The following LGSN variants were observed in gnomAD, a reference collection of about 807,000 sequenced individuals.
LGSN encodes lengsin.
LGSN carries 21 observed loss-of-function variants against 19.5 expected under a neutral mutation model. The observed-to-expected ratio is 1.07, with a 90% CI of 0.76 to 1.55. The LOEUF (loss-of-function observed/expected upper bound fraction) is 1.55, where lower values mean the gene tolerates loss of function less well. Among genes scored for constraint, LGSN ranks in the 40% most tolerant of loss-of-function variants. LGSN has a pLI of 0.00. For synonymous variants in LGSN, 257 were observed against 215.6 expected, an observed-to-expected ratio of 1.19 and a Z score of -1.68; for missense variants, 673 against 608.5, an observed-to-expected ratio of 1.11 and a Z score of -1.12.
chr6:63,299,581 AG>A (rs992995163), intron 1 of LGSN, among the ~76,000 whole-genome samples: 3 of 152,228 alleles, frequency 2.0e-5, no homozygotes, highest in South Asian at 4.1e-4. Context: ...ACAATGAAAC[AG>A]GTAATTGGAA....
At chr6:63,291,277 G>A (rs1767756020) in intron 2 of LGSN, among the ~76,000 whole-genome samples, 1 of 152,136 alleles carries the variant, frequency 6.6e-6, no homozygotes, top group South Asian at 2.1e-4. Flanking sequence ...GAAATTCCGG[G>A]TAACGGCCTT....
the LGSN span, among the ~76,000 whole-genome samples, chr6:63,402,627 T>C: frequency 6.6e-6 from 1 of 152,180 alleles, no homozygotes; most frequent in Non-Finnish European, 1.5e-5. Context: ...AACAGATATA[T>C]AATTGGAGCA....
At chr6:63,452,629 A>T in the LGSN span, among the ~76,000 whole-genome samples, 1 of 149,360 alleles carries the variant, frequency 6.7e-6, no homozygotes, top group Non-Finnish European at 1.5e-5. Context: ...CCCCGATTTT[A>T]TTCCTAATAT....
At chr6:63,505,565 A>AAAAAAGAAAGAAAGAGAAAGAAAGAAAG in the LGSN span, among the ~76,000 whole-genome samples, 2 of 58,674 alleles carry the variant, frequency 3.4e-5, no homozygotes, top group Admixed American at 2.1e-4. Context: ...AAAAAAAAAA[A>AAAAAAGAAAGAAAGAGAAAGAAAGAAAG]AAAGAAAGAA....
chr6:63,392,689 T>C, the LGSN span: 1 of 152,102 alleles, frequency 6.6e-6, no homozygotes, highest in Non-Finnish European at 1.5e-5. Context: ...GTAAAATTGA[T>C]AAAGGAATTA....
the LGSN span, among the ~76,000 whole-genome samples, chr6:63,361,159 G>A: frequency 6.6e-6 from 1 of 152,226 alleles, no homozygotes; most frequent in African/African-American, 2.4e-5. Flanking sequence ...TGCATGCTGG[G>A]AGAACCACTA....
chr6:63,534,683 C>T, the LGSN span, among the ~76,000 whole-genome samples: 3 of 151,820 alleles, frequency 2.0e-5, no homozygotes, highest in Non-Finnish European at 4.4e-5. Context: ...CACGGTGGCT[C>T]ATGCCTGTAA....
chr6:63,424,508 GACAC>G, the LGSN span, among the ~76,000 whole-genome samples: 50 of 146,484 alleles, frequency 3.4e-4, no homozygotes, highest in Non-Finnish European at 4.2e-4. Context: ...ACCAAAACCA[GACAC>G]ACACACACAC....
At chr6:63,401,374 T>G in the LGSN span, among the ~76,000 whole-genome samples, 14 of 150,064 alleles carry the variant, frequency 9.3e-5, no homozygotes, top group Admixed American at 8.1e-4. Context: ...CACACCAGCC[T>G]GGGCAACAGA....
rs150803701 is a variant in LGSN, at chr6:63,294,554, C to T, written c.163+359G>A. Among the ~76,000 whole-genome samples, 5 of 151,996 alleles carry T rather than the reference C, an allele frequency of 3.3e-5. No individual in the cohort carries two copies. The East Asian group carries it at 9.7e-4, about 29-fold the overall frequency. On this transcript the variant is annotated intron_variant, in intron 2 of 3. Transcript: ENST00000370657. ...GGAGTTCCAAAATGTGTTATGAAAA[C>T]ACCTTCCATACCTTTCTTATGGCCC...
At chr6:63,307,997 T>G (rs1202218502) in intron 1 of LGSN, among the ~76,000 whole-genome samples, 1 of 152,140 alleles carries the variant, frequency 6.6e-6, no homozygotes, top group Non-Finnish European at 1.5e-5. Flanking sequence ...AGTATTTCAG[T>G]CTTCAGATAG....
intron 1 of LGSN, among the ~76,000 whole-genome samples, chr6:63,304,103 A>T (rs1368662171): frequency 6.6e-6 from 1 of 152,234 alleles, no homozygotes. Context: ...AACCTTATAC[A>T]TGAGCAACCT....
chr6:63,492,130 C>G, the LGSN span, among the ~76,000 whole-genome samples: 1 of 152,174 alleles, frequency 6.6e-6, no homozygotes, highest in South Asian at 2.1e-4. Flanking sequence ...CTTCTTCATT[C>G]TACTTTATGT....
the LGSN span, among the ~76,000 whole-genome samples, chr6:63,355,970 G>C: frequency 0.13 from 19,808 of 151,920 alleles, 2,852 homozygotes; most frequent in African/African-American, 0.36. Context: ...TGAGCCACTG[G>C]ACCTCGCCAG....
At chr6:63,559,059 C>T in the LGSN span, among the ~76,000 whole-genome samples, 1 of 152,202 alleles carries the variant, frequency 6.6e-6, no homozygotes, top group Non-Finnish European at 1.5e-5. Context: ...TCATTTTGCT[C>T]ACTCTGCTCC....
chr6:63,333,954 T>C, the LGSN span, among the ~76,000 whole-genome samples: 450 of 152,302 alleles, frequency 3.0e-3, 3 homozygotes, highest in African/African-American at 0.01. Flanking sequence ...TCAAAAAACT[T>C]GGTGTAGAAA....
Position 63,281,038 on chromosome 6 carries a change from A to G in LGSN, c.513T>C (p.Asp171=), listed in dbSNP as rs983057749. 1.2e-6 allele frequency: 2 copies of G among 1,613,910 alleles called. No homozygotes were observed. Among genetic ancestry groups the G allele is most frequent in the East Asian group, 2.2e-5 (1 of 44,876 alleles). The change falls in exon 4 of 4, where the codon GAT becomes GAC. Residue 171 remains aspartate (D), a synonymous_variant. Coordinates refer to ENST00000370657, the MANE Select transcript of LGSN (RefSeq NM_016571.3). ...WADRTARVIC[D]TFTVTGEPLL... ...GAGGCTCACCAGTCACAGTGAAGGT[A>G]TCACATATCACTCTTGCAGTTCTGT...
chr6:63,542,039 G>A, the LGSN span, among the ~76,000 whole-genome samples: 2 of 151,414 alleles, frequency 1.3e-5, no homozygotes, highest in African/African-American at 4.9e-5. Flanking sequence ...GTGTGTGTGT[G>A]TGTGTGTGTG....
At chr6:63,544,377 T>C in the LGSN span, among the ~76,000 whole-genome samples, 1 of 152,170 alleles carries the variant, frequency 6.6e-6, no homozygotes, top group Non-Finnish European at 1.5e-5. Flanking sequence ...GTTGCAGACA[T>C]TATATCTTTA....
Sources: allele counts gnomAD v4.1 joint callset (sites outside exome capture counted in the v4.1 genomes callset), GRCh38; gene constraint gnomAD v4.1.1; transcripts MANE v1.5; gene names NCBI Gene and HGNC (gene_info 2026-07-23, HGNC 2026-07-21).